Variants in AGBL4 observed in about 807,000 individuals in gnomAD.
The protein encoded by AGBL4 is AGBL carboxypeptidase 4, also known as cytosolic carboxypeptidase 6.
Under a neutral mutation model 66.4 loss-of-function variants are expected in AGBL4, and 58 were observed. The ratio of observed to expected loss-of-function variants is 0.87; its 90% CI spans 0.71 to 1.09. AGBL4 has a LOEUF of 1.09. Ranked by LOEUF, AGBL4 falls within the 50% of genes least tolerant of loss-of-function variation. The probability of loss-of-function intolerance (pLI) is 0.00; values close to 1 mark genes in which losing one functional copy is unlikely to be tolerated. For missense variants in AGBL4, 579 were observed against 631.0 expected (o/e 0.92, Z 0.88); for synonymous variants, 234 against 222.9 (o/e 1.05, Z -0.44).
At chr1:48,889,596 A>G (rs1168382114) in intron 5 of AGBL4, among the ~76,000 whole-genome samples, 1 of 152,204 alleles carries the variant, frequency 6.6e-6, no homozygotes, top group Admixed American at 6.5e-5. Flanking sequence ...CTGTGTGTCT[A>G]TGACACTGGA....
At chr1:49,845,334 C>T in intron 2 of AGBL4, 2 of 1,478,382 alleles carry the variant, frequency 1.4e-6, no homozygotes, top group South Asian at 1.1e-5. Flanking sequence ...CCTATGAGTG[C>T]AGTGTATGTG....
At chr1:48,581,087 AT>A (rs1271309868) in intron 11 of AGBL4, among the ~76,000 whole-genome samples, 3 of 152,094 alleles carry the variant, frequency 2.0e-5, no homozygotes, top group Admixed American at 6.5e-5. Flanking sequence ...CTGTGATGCT[AT>A]TGTCTCTTTA....
At chr1:49,282,309 T>G (rs181628163) in intron 3 of AGBL4, among the ~76,000 whole-genome samples, 3 of 152,200 alleles carry the variant, frequency 2.0e-5, no homozygotes, top group African/African-American at 7.2e-5. Flanking sequence ...TGTTTTACAC[T>G]ATGATAACTC....
At chr1:49,736,943 C>T (rs1041028987) in intron 2 of AGBL4, among the ~76,000 whole-genome samples, 5 of 151,892 alleles carry the variant, frequency 3.3e-5, no homozygotes, top group African/African-American at 1.2e-4. Context: ...CAAAGAAATG[C>T]AAATCAAAAC....
chr1:49,889,993 G>A (rs935279739), intron 1 of AGBL4, among the ~76,000 whole-genome samples: 2 of 152,108 alleles, frequency 1.3e-5, no homozygotes, highest in Non-Finnish European at 2.9e-5. Flanking sequence ...AAAATTACAC[G>A]TATTGAACCA....
At chr1:49,611,717 CA>C (rs1374023302) in intron 3 of AGBL4, among the ~76,000 whole-genome samples, 1 of 152,118 alleles carries the variant, frequency 6.6e-6, no homozygotes, top group Non-Finnish European at 1.5e-5. Flanking sequence ...TTGCTATTAC[CA>C]AACACTAAGA....
intron 5 of AGBL4, among the ~76,000 whole-genome samples, chr1:49,040,643 C>T (rs749780341): frequency 8.5e-5 from 13 of 152,056 alleles, no homozygotes; most frequent in Non-Finnish European, 1.5e-4. Context: ...CTGATACATG[C>T]TATAATATTT....
intron 6 of AGBL4, among the ~76,000 whole-genome samples, chr1:48,842,129 T>G (rs1646819147): frequency 6.6e-6 from 1 of 152,188 alleles, no homozygotes; most frequent in South Asian, 2.1e-4. Context: ...AAGCAACATT[T>G]ACATCTTTTT....
At chr1:48,880,056 C>G (rs914970668) in intron 5 of AGBL4, among the ~76,000 whole-genome samples, 2 of 152,070 alleles carry the variant, frequency 1.3e-5, no homozygotes, top group Admixed American at 1.3e-4. Flanking sequence ...GATTTTGGTG[C>G]ACCCACCACC....
At chr1:49,293,985 G>A (rs1644593590) in intron 3 of AGBL4, among the ~76,000 whole-genome samples, 1 of 152,154 alleles carries the variant, frequency 6.6e-6, no homozygotes, top group African/African-American at 2.4e-5. Context: ...AAATCTAAAT[G>A]TCAACTGAAT....
intron 2 of AGBL4, among the ~76,000 whole-genome samples, chr1:49,710,901 T>TA (rs1414854790): frequency 6.6e-6 from 1 of 151,546 alleles, no homozygotes; most frequent in Non-Finnish European, 1.5e-5. Context: ...AAATTAAAAT[T>TA]AAAAAATAAG....
chr1:48,747,105 G>C (rs1352791976), intron 6 of AGBL4, among the ~76,000 whole-genome samples: 1 of 152,140 alleles, frequency 6.6e-6, no homozygotes, highest in Non-Finnish European at 1.5e-5. Flanking sequence ...AATTTCTGAG[G>C]CATTGTTCTC....
At chr1:48,958,756 T>C (rs1308435520) in intron 5 of AGBL4, among the ~76,000 whole-genome samples, 2 of 152,246 alleles carry the variant, frequency 1.3e-5, no homozygotes, top group African/African-American at 4.8e-5. Context: ...GGGAGTGTTC[T>C]CTGACCCCCT....
At chr1:49,137,510 A>C (rs1311485981) in intron 4 of AGBL4, among the ~76,000 whole-genome samples, 1 of 152,116 alleles carries the variant, frequency 6.6e-6, no homozygotes. Context: ...TCATTTGCAT[A>C]AGATGAATGA....
chr1:49,431,926 G>A (rs950368417), intron 3 of AGBL4, among the ~76,000 whole-genome samples: 2 of 152,062 alleles, frequency 1.3e-5, no homozygotes, highest in African/African-American at 4.8e-5. Context: ...TAAATATTAA[G>A]ACCTAAAAAA....
At chr1:49,403,875 C>T (rs1258904489) in intron 3 of AGBL4, among the ~76,000 whole-genome samples, 1 of 152,142 alleles carries the variant, frequency 6.6e-6, no homozygotes, top group Non-Finnish European at 1.5e-5. Context: ...AACAAACTTA[C>T]TTTATTCTTT....
chr1:49,177,157 C>G (rs1229189470), intron 4 of AGBL4, among the ~76,000 whole-genome samples: 1 of 152,122 alleles, frequency 6.6e-6, no homozygotes, highest in East Asian at 1.9e-4. Flanking sequence ...AATTCAGACT[C>G]TGCCACTGAA....
rs1370791956 is a variant in AGBL4, at chr1:49,617,458, A to G, written c.282+79855T>C. Among the ~76,000 whole-genome samples the G allele has an allele frequency of 2.0e-5, 3 of 152,160 alleles. No individual in the cohort carries two copies. In the East Asian group the frequency reaches 5.8e-4, roughly 29 times the overall value. On this transcript the variant is annotated intron_variant, in intron 3 of 13. Coordinates refer to ENST00000371839, the MANE Select transcript of AGBL4 (RefSeq NM_032785.4). ...TCTTACATGTTTTACTTAATTATTA[A>G]TATTTGTATACTGTCTTCTTTCCCC...
intron 6 of AGBL4, among the ~76,000 whole-genome samples, chr1:48,860,256 T>C (rs1204841037): frequency 6.6e-6 from 1 of 152,172 alleles, no homozygotes; most frequent in Non-Finnish European, 1.5e-5. Context: ...CTAAATAAGT[T>C]CATATTTCAA....
Sources: gnomAD v4.1 joint callset for allele counts (sites outside exome capture counted in the v4.1 genomes callset) on GRCh38, gnomAD v4.1.1 for gene constraint, MANE v1.5 for transcripts, NCBI Gene and HGNC (gene_info 2026-07-23, HGNC 2026-07-21) for gene names.